Variants in SLCO6A1 observed in about 807,000 individuals in gnomAD.
The protein encoded by SLCO6A1 is solute carrier organic anion transporter family member 6A1.
Under a neutral mutation model 72.7 loss-of-function variants are expected in SLCO6A1, and 65 were observed. The ratio of observed to expected loss-of-function variants is 0.89; its 90% CI spans 0.73 to 1.10. The LOEUF is 1.10. SLCO6A1 is among the 50% of genes least tolerant of loss of function. The pLI is 0.00. For synonymous variants in SLCO6A1, 314 were observed against 298.2 expected (o/e 1.05, Z -0.55); for missense variants, 874 against 872.6 (o/e 1.00, Z -0.02).
chr5:102,439,266 G>T (rs1749710609), intron 6 of SLCO6A1, among the ~76,000 whole-genome samples: 1 of 151,832 alleles, frequency 6.6e-6, no homozygotes, highest in Non-Finnish European at 1.5e-5. Context: ...AAATAATTAA[G>T]TTATTTAAAT....
chr5:102,469,069 AG>A (rs1395769650), intron 4 of SLCO6A1, among the ~76,000 whole-genome samples: 4 of 151,370 alleles, frequency 2.6e-5, no homozygotes, highest in Non-Finnish European at 5.9e-5. Context: ...GTAGCCTTGT[AG>A]TATAGTTTGA....
intron 4 of SLCO6A1, among the ~76,000 whole-genome samples, chr5:102,466,554 A>G (rs1162350168): frequency 6.6e-6 from 1 of 152,068 alleles, no homozygotes; most frequent in Non-Finnish European, 1.5e-5. Context: ...TAGGATTGCT[A>G]GGCTGAATGG....
intron 5 of SLCO6A1, among the ~76,000 whole-genome samples, chr5:102,459,219 G>A (rs915288981): frequency 6.6e-6 from 1 of 152,104 alleles, no homozygotes; most frequent in Non-Finnish European, 1.5e-5. Flanking sequence ...AGACTAGCCT[G>A]CACAACATAG....
intron 12 of SLCO6A1, among the ~76,000 whole-genome samples, chr5:102,379,212 C>G (rs185617639): frequency 1.3e-5 from 2 of 151,956 alleles, no homozygotes; most frequent in Non-Finnish European, 2.9e-5. Flanking sequence ...ATAATTAGTT[C>G]TTTTTCACTT....
intron 7 of SLCO6A1, among the ~76,000 whole-genome samples, chr5:102,435,941 T>A (rs2123133): frequency 0.64 from 97,028 of 151,862 alleles, 31,196 homozygotes; most frequent in African/African-American, 0.66. Flanking sequence ...TTATTGTTGA[T>A]TTCAGTTATT....
At chr5:102,385,806 C>T (rs1746384003) in intron 12 of SLCO6A1, among the ~76,000 whole-genome samples, 1 of 144,748 alleles carries the variant, frequency 6.9e-6, no homozygotes, top group Admixed American at 7.0e-5. Context: ...TCACAAGTCT[C>T]CATTTTTCTC....
intron 12 of SLCO6A1, 149 bp from the exon 13 acceptor site, chr5:102,373,643 T>C: frequency 4.7e-6 from 2 of 421,058 alleles, no homozygotes; most frequent in Non-Finnish European, 8.1e-6. Flanking sequence ...TGCCATAAAA[T>C]TATATTAAGT....
At chr5:102,447,612 G>C (rs1237381742) in intron 6 of SLCO6A1, among the ~76,000 whole-genome samples, 7 of 152,092 alleles carry the variant, frequency 4.6e-5, no homozygotes, top group Admixed American at 3.3e-4. Flanking sequence ...AAGGTTGCAT[G>C]CTTCCAGAAA....
chr5:102,459,568 A>G, intron 5 of SLCO6A1, 88 bp downstream of exon 5: 1 of 1,364,558 alleles, frequency 7.3e-7, no homozygotes, highest in Non-Finnish European at 9.7e-7. Flanking sequence ...ATTTTATTAA[A>G]AATGTAATAC....
chr5:102,497,894 C>T (rs1752977593), intron 1 of SLCO6A1, among the ~76,000 whole-genome samples: 2 of 152,316 alleles, frequency 1.3e-5, no homozygotes, highest in Middle Eastern at 3.4e-3. Context: ...GTCTGAACCT[C>T]CGCAAATTGC....
At chr5:102,457,171 C>T (rs1750767734) in intron 6 of SLCO6A1, among the ~76,000 whole-genome samples, 1 of 152,144 alleles carries the variant, frequency 6.6e-6, no homozygotes, top group Non-Finnish European at 1.5e-5. Flanking sequence ...CTAGGCAATA[C>T]CATTCAGAAC....
rs1351578495 is a variant in SLCO6A1, at chr5:102,477,767, A to G, written c.711T>C (p.Thr237=). The change falls in exon 3 of 14, where the codon ACT becomes ACC. Residue 237 remains threonine, a synonymous_variant. Coordinates refer to ENST00000506729, the MANE Select transcript of SLCO6A1 (RefSeq NM_173488.5). ...KYLSFFILGQ[T]VQGIAGMPLY... ...GAGGCATTCCTGCTATTCCCTGCAC[A>G]GTCTGCCCAAGGATGAAGAAAGACA... 1.9e-6 allele frequency: 3 copies of G among 1,613,830 alleles called. No homozygotes were observed. The highest frequency in any genetic ancestry group is 1.7e-5 in the Admixed American group (1 of 59,946).
intron 1 of SLCO6A1, among the ~76,000 whole-genome samples, chr5:102,496,698 C>A (rs1378571158): frequency 6.6e-6 from 1 of 152,170 alleles, no homozygotes; most frequent in Non-Finnish European, 1.5e-5. Context: ...AAAATTCATT[C>A]ATGCATCGAA....
At chr5:102,420,885 G>A (rs1010180898) in intron 7 of SLCO6A1, among the ~76,000 whole-genome samples, 4 of 152,152 alleles carry the variant, frequency 2.6e-5, no homozygotes, top group African/African-American at 9.7e-5. Context: ...AATGCAGAAG[G>A]TGAGTGATTT....
At chr5:102,450,253 G>C (rs566046318) in intron 6 of SLCO6A1, among the ~76,000 whole-genome samples, 1 of 152,122 alleles carries the variant, frequency 6.6e-6, no homozygotes, top group Admixed American at 6.6e-5. Flanking sequence ...TCATGTGTGT[G>C]GGCTATGTTC....
At chr5:102,386,087 G>A (rs936061437) in intron 12 of SLCO6A1, among the ~76,000 whole-genome samples, 1 of 152,170 alleles carries the variant, frequency 6.6e-6, no homozygotes, top group African/African-American at 2.4e-5. Flanking sequence ...CTGCACTTTT[G>A]AAGAAGTAGA....
At chr5:102,485,939 G>A (rs1305505903) in intron 1 of SLCO6A1, among the ~76,000 whole-genome samples, 1 of 152,136 alleles carries the variant, frequency 6.6e-6, no homozygotes, top group Non-Finnish European at 1.5e-5. Context: ...GTGTGTAAGT[G>A]TCTAGTAAGC....
intron 1 of SLCO6A1, among the ~76,000 whole-genome samples, chr5:102,484,529 A>T (rs545335152): frequency 2.2e-4 from 33 of 152,144 alleles, no homozygotes; most frequent in African/African-American, 7.7e-4. Flanking sequence ...GGTGCCTGTA[A>T]TCTCAGCTAC....
intron 6 of SLCO6A1, among the ~76,000 whole-genome samples, chr5:102,439,255 C>T (rs1376913): frequency 0.64 from 96,925 of 151,636 alleles, 31,170 homozygotes; most frequent in African/African-American, 0.66. Context: ...TCTACCTATA[C>T]AAATAATTAA....
Sources: allele counts gnomAD v4.1 joint callset (sites outside exome capture counted in the v4.1 genomes callset), GRCh38; gene constraint gnomAD v4.1.1; transcripts MANE v1.5; gene names NCBI Gene and HGNC (gene_info 2026-07-23, HGNC 2026-07-21).